Variants in MEIG1 observed in about 807,000 individuals in gnomAD.
The protein encoded by MEIG1 is meiosis/spermiogenesis associated 1.
In MEIG1, 12 loss-of-function variants were observed where a neutral mutation model predicts 11.3. The observed-to-expected ratio is 1.07, with a 90% CI of 0.68 to 1.73. MEIG1 has a LOEUF of 1.73. Among genes scored for constraint, MEIG1 ranks in the 40% most tolerant of loss-of-function variants. The pLI is 0.00. For missense variants in MEIG1, 119 were observed against 104.9 expected, an observed-to-expected ratio of 1.13 and a Z score of -0.59; for synonymous variants, 41 against 33.2, an observed-to-expected ratio of 1.24 and a Z score of -0.81.
intron 2 of MEIG1, among the ~76,000 whole-genome samples, chr10:14,969,165 G>C (rs942364881): frequency 1.3e-5 from 2 of 152,200 alleles, no homozygotes; most frequent in Non-Finnish European, 2.9e-5. Flanking sequence ...ACTCATAGGC[G>C]GCCAGCTGTG....
chr10:14,987,785 C>A (rs1349715396), intron 2 of MEIG1: 6 of 180,550 alleles, frequency 3.3e-5, no homozygotes, highest in Non-Finnish European at 5.8e-5. Flanking sequence ...TTCTCTCTTT[C>A]AGAAAAAGAT....
downstream of MEIG1, among the ~76,000 whole-genome samples, chr10:14,973,228 C>T (rs1843172354): frequency 6.6e-6 from 1 of 152,052 alleles, no homozygotes; most frequent in South Asian, 2.1e-4. Context: ...TGAAATCATC[C>T]CAATGGTTAG....
intron 1 of MEIG1, among the ~76,000 whole-genome samples, chr10:14,985,201 G>T (rs747155583): frequency 2.0e-5 from 3 of 151,958 alleles, no homozygotes; most frequent in African/African-American, 7.3e-5. Flanking sequence ...CACTGGGGCC[G>T]TACATCCTGG....
Position 14,966,474 on chromosome 10 carries a change from T to C in MEIG1, c.6T>C (p.Ala2=). The C allele has an allele frequency of 1.2e-6, 2 of 1,606,106 alleles. No individual in the cohort carries two copies. The highest frequency in any genetic ancestry group is 1.7e-6 in the Non-Finnish European group (2 of 1,177,072). Residue 2 remains alanine (A), a synonymous_variant, in exon 2 of 3, where the codon GCT becomes GCC. Coordinates refer to ENST00000407572, the MANE Select transcript of MEIG1 (RefSeq NM_001080836.3). M[A]SSDVKPKSVS... The stretch of plus-strand genomic sequence containing the variant: ...ATAATAAGGCCTCTGTAACCATGGC[T>C]AGTTCTGACGTAAAACCAAAATCAG...
At chr10:14,957,115 G>T (rs1307753368), upstream of MEIG1, among the ~76,000 whole-genome samples, 2 of 152,184 alleles carry the variant, frequency 1.3e-5, no homozygotes, top group African/African-American at 4.8e-5. Context: ...ACCTTCTAAT[G>T]CAAGTAATTA....
intron 2 of MEIG1, chr10:14,987,095 T>C: frequency 1.5e-6 from 1 of 686,412 alleles, no homozygotes; most frequent in Non-Finnish European, 2.4e-6. Flanking sequence ...GTCAGGAGCA[T>C]GCATTCTATA....
At chr10:14,963,466 A>G (rs1843039261) in intron 1 of MEIG1, among the ~76,000 whole-genome samples, 1 of 152,136 alleles carries the variant, frequency 6.6e-6, no homozygotes, top group South Asian at 2.1e-4. Flanking sequence ...GTAATGTTTC[A>G]TATTATATAT....
At chr10:14,985,605 G>C (rs1243402459) in intron 1 of MEIG1, among the ~76,000 whole-genome samples, 1 of 151,898 alleles carries the variant, frequency 6.6e-6, no homozygotes, top group Non-Finnish European at 1.5e-5. Flanking sequence ...GGTGTACATC[G>C]TGTGTGTACA....
At position 14,982,383 on chromosome 10, in the gene MEIG1, G is replaced by A. The variant is rs959289872; in HGVS notation, n.67-4413G>A. Among the ~76,000 whole-genome samples, 6 of 152,096 alleles carry A rather than the reference G, an allele frequency of 3.9e-5. No homozygotes were observed. The East Asian group carries it at 1.2e-3, about 29-fold the overall frequency. ...TAATCAGCTGGTGCATGTTCCTCTA[G>A]CCACTTAGTTGCTGCTTGGAGGACT... On this transcript the variant is annotated intron_variant and non_coding_transcript_variant, in intron 1 of 2. Transcript: ENST00000467536.
At chr10:14,974,759 T>G (rs1843192831), downstream of MEIG1, among the ~76,000 whole-genome samples, 1 of 152,076 alleles carries the variant, frequency 6.6e-6, no homozygotes, top group Non-Finnish European at 1.5e-5. Context: ...ACACCTGATA[T>G]TAATAACTGA....
chr10:14,965,566 C>T (rs1254776623), intron 1 of MEIG1, among the ~76,000 whole-genome samples: 1 of 152,036 alleles, frequency 6.6e-6, no homozygotes, highest in Non-Finnish European at 1.5e-5. Context: ...AAATGAATTG[C>T]AGCAATTGGG....
chr10:14,977,530 T>A (rs1431805037), downstream of MEIG1, among the ~76,000 whole-genome samples: 4 of 152,052 alleles, frequency 2.6e-5, no homozygotes, highest in African/African-American at 9.6e-5. Flanking sequence ...CACCCTTCGA[T>A]ATTATTTGTA....
chr10:14,980,297 T>A (rs186070369), intron 1 of MEIG1, among the ~76,000 whole-genome samples: 90 of 152,214 alleles, frequency 5.9e-4, no homozygotes, highest in African/African-American at 2.1e-3. Context: ...CAGCGGTGTA[T>A]ATCCTGCGAT....
At chr10:14,982,535 G>C (rs12217729) in intron 1 of MEIG1, among the ~76,000 whole-genome samples, 4,787 of 152,040 alleles carry the variant, frequency 0.031, 303 homozygotes, top group East Asian at 0.3. Context: ...CTTCTGGGAC[G>C]GGGTATTGTT....
At chr10:14,971,478 G>C (rs1267161851) in intron 2 of MEIG1, among the ~76,000 whole-genome samples, 1 of 152,060 alleles carries the variant, frequency 6.6e-6, no homozygotes, top group African/African-American at 2.4e-5. Context: ...AGGAGGTTGA[G>C]GCTGTAGTGA....
chr10:14,962,442 G>A (rs1413584015), intron 1 of MEIG1, among the ~76,000 whole-genome samples: 1 of 152,222 alleles, frequency 6.6e-6, no homozygotes, highest in African/African-American at 2.4e-5. Context: ...AATAATAACC[G>A]GAGGATGTCT....
downstream of MEIG1, among the ~76,000 whole-genome samples, chr10:14,974,594 C>T (rs568367947): frequency 9.9e-5 from 15 of 152,038 alleles, no homozygotes; most frequent in South Asian, 1.0e-3. Context: ...TGTGACTTAC[C>T]GCGATTAATG....
intron 1 of MEIG1, among the ~76,000 whole-genome samples, chr10:14,981,641 C>T (rs1288729391): frequency 6.6e-6 from 1 of 152,162 alleles, no homozygotes; most frequent in Non-Finnish European, 1.5e-5. Context: ...ACGCTTGAGC[C>T]CGGTCTCCCT....
At chr10:14,985,898 G>T (rs555798709) in intron 1 of MEIG1, among the ~76,000 whole-genome samples, 1 of 151,994 alleles carries the variant, frequency 6.6e-6, no homozygotes, top group Non-Finnish European at 1.5e-5. Context: ...ATCACAGTGC[G>T]TGTACCCCGG....
Sources: gnomAD v4.1 joint callset for allele counts (sites outside exome capture counted in the v4.1 genomes callset) on GRCh38, gnomAD v4.1.1 for gene constraint, MANE v1.5 for transcripts, NCBI Gene and HGNC (gene_info 2026-07-23, HGNC 2026-07-21) for gene names.